The following GJB1 variants were observed in gnomAD, a reference collection of about 807,000 sequenced individuals.
The protein encoded by GJB1 is gap junction beta-1 protein.
Under a neutral mutation model 12.0 loss-of-function variants are expected in GJB1, and 1 was observed. That is an observed-to-expected ratio of 0.08 (90% CI 0.03 to 0.40). The LOEUF is 0.40. GJB1 is among the 10% of genes least tolerant of loss of function. GJB1 has a pLI of 0.98. For synonymous variants in GJB1, 114 were observed against 102.8 expected (o/e 1.11, Z -0.66); for missense variants, 140 against 250.3 (o/e 0.56, Z 2.97).
At chrX:71,223,465 T>C in intron 1 of GJB1, 130 bp downstream of exon 1, 1 of 444,982 alleles carries the variant, frequency 2.2e-6, no homozygotes, top group Non-Finnish European at 3.9e-6. Flanking sequence ...AAAAGAATGT[T>C]GGATGAAAGC....
At chrX:71,215,820 T>G (rs1308555184) in intron 1 of GJB1, among the ~76,000 whole-genome samples, 1 of 110,796 alleles carries the variant, frequency 9.0e-6, no homozygotes, top group Non-Finnish European at 1.9e-5. Flanking sequence ...TCCACTTTCT[T>G]GAAGGAGGCA....
At chrX:71,220,780 C>T (rs997131470), upstream of GJB1, among the ~76,000 whole-genome samples, 2 of 108,558 alleles carry the variant, frequency 1.8e-5, no homozygotes, top group African/African-American at 3.4e-5. Context: ...GGATTGCAGG[C>T]GTGAGCCCCT....
At chrX:71,219,647 G>A (rs1475771671), upstream of GJB1, among the ~76,000 whole-genome samples, 4 of 101,380 alleles carry the variant, frequency 3.9e-5, no homozygotes, top group Admixed American at 1.1e-4. Flanking sequence ...GGTGGCGGGC[G>A]CCTGTAGTCC....
rs1444755256 is a variant in GJB1 at position 71,224,538 on chromosome X, C to T, written c.831C>T (p.Ser277=). 3 of 1,189,358 alleles carry T rather than the reference C, an allele frequency of 2.5e-6. No individual in the cohort carries two copies. Among genetic ancestry groups the T allele is most frequent in the Non-Finnish European group, 3.4e-6 (3 of 884,047 alleles). The change falls in exon 2 of 2, where the codon AGC becomes AGT. Residue 277 remains serine, a synonymous_variant. Transcript: ENST00000361726. ...CCGGGGCTGGGCTGGCTGAAAAGAGCGACCGCTGCTCGGCCTGCTGATGCC... is the reference window on the plus strand; with the variant it reads ...CCGGGGCTGGGCTGGCTGAAAAGAGTGACCGCTGCTCGGCCTGCTGATGCC... ...PGTGAGLAEK[S]DRCSAC
At chrX:71,222,936 C>T (rs1444360946), upstream of GJB1, among the ~76,000 whole-genome samples, 1 of 111,071 alleles carries the variant, frequency 9.0e-6, no homozygotes, top group African/African-American at 3.3e-5. Flanking sequence ...TCTGGGTCCC[C>T]TGGGGTCCCC....
At chrX:71,222,538 C>G (rs2092539591), upstream of GJB1, 1 of 73,893 alleles carries the variant, frequency 1.4e-5, no homozygotes, top group African/African-American at 5.2e-5. Flanking sequence ...CGGCGCCCAG[C>G]CTTTTTTTTT....
Position 71,224,684 on chromosome X carries a change from G to T in GJB1, c.*125G>T, listed in dbSNP as rs964774958. 3.1e-6 allele frequency: 2 copies of T among 651,143 alleles called. No homozygotes were observed. Among genetic ancestry groups the T allele is most frequent in the African/African-American group, 4.5e-5 (2 of 44,905 alleles). The allele number at this position is 651,143 out of a possible 1,213,427, so 53.7% of individuals were successfully genotyped here. A position where few individuals can be genotyped will look rare whatever the true frequency, so the allele number is the denominator to read the frequency against. Reference sequence around the variant, plus strand: ...TACTCGATCAAAACCTTCCTTCCCTGGCTACTTCCCTTCCTCCCGGGGCCT... The same window carrying T: ...TACTCGATCAAAACCTTCCTTCCCTTGCTACTTCCCTTCCTCCCGGGGCCT... On this transcript the variant is annotated 3_prime_UTR_variant, in exon 2 of 2. Coordinates refer to ENST00000361726, the MANE Select transcript of GJB1 (RefSeq NM_000166.6).
chrX:71,219,946 G>A (rs1241990501), upstream of GJB1, among the ~76,000 whole-genome samples: 1 of 101,246 alleles, frequency 9.9e-6, no homozygotes, highest in Non-Finnish European at 2.0e-5. Flanking sequence ...GGGTTCAAGC[G>A]ATTCTCCTGC....
rs113014279 is a variant in GJB1 at position 71,224,593 on chromosome X, C to A, written c.*34C>A. 4.5e-3 allele frequency: 4,548 copies of A among 1,016,607 alleles called. 127 individuals are homozygous for A. In the African/African-American group the frequency reaches 0.073, roughly 16 times the overall value. 83.8% of individuals were successfully genotyped at this position (1,016,607 alleles called of 1,213,427 possible). Reference sequence around the variant, plus strand: ...ACCAGGCAACCTCCCATCCCACCCCCGACCCTGCCCTGGGCGAGCCCCTCC... The same window carrying A: ...ACCAGGCAACCTCCCATCCCACCCCAGACCCTGCCCTGGGCGAGCCCCTCC... On this transcript the variant is annotated 3_prime_UTR_variant, in exon 2 of 2. Coordinates refer to ENST00000361726, the MANE Select transcript of GJB1 (RefSeq NM_000166.6).
In GJB1 at chrX:71,223,845, T is replaced by C. The variant is rs1419095893; in HGVS notation, c.138T>C (p.Asp46=). 1 of 1,210,412 alleles carries C rather than the reference T, an allele frequency of 8.3e-7. No individual in the cohort carries two copies. Residue 46 remains aspartate, a synonymous_variant, in exon 2 of 2, where the codon GAT becomes GAC. Transcript: ENST00000361726. ...LVVAAESVWG[D]EKSSFICNTL... ...TGGCTGCAGAGAGTGTGTGGGGTGA[T>C]GAGAAATCTTCCTTCATCTGCAACA...
chrX:71,221,508 C>T (rs1214577100), upstream of GJB1, among the ~76,000 whole-genome samples: 2 of 110,493 alleles, frequency 1.8e-5, no homozygotes, highest in African/African-American at 6.6e-5. Context: ...GAGGACCACC[C>T]AGGGCTGAAT....
At chrX:71,220,917 A>G (rs1468577226), upstream of GJB1, among the ~76,000 whole-genome samples, 1 of 32,180 alleles carries the variant, frequency 3.1e-5, no homozygotes, top group East Asian at 1.1e-3. Context: ...TTTTTTTTTG[A>G]GACAGAGTCT....
At position 71,223,929 on chromosome X, in the gene GJB1, G is replaced by A. The variant is rs773733066; in HGVS notation, c.222G>A (p.Val74=). The A allele has an allele frequency of 8.3e-7, 1 of 1,206,581 alleles. No homozygotes were observed. Among genetic ancestry groups the A allele is most frequent in the Non-Finnish European group, 1.1e-6 (1 of 892,846 alleles). The part of the protein sequence containing the change: ...CYDQFFPISH[V]RLWSLQLILV... ...ACCAATTCTTCCCCATCTCCCATGT[G>A]CGGCTGTGGTCCCTGCAGCTCATCC... Residue 74 remains valine, a synonymous_variant, in exon 2 of 2, where the codon GTG becomes GTA. Coordinates refer to ENST00000361726, the MANE Select transcript of GJB1 (RefSeq NM_000166.6).
At chrX:71,216,640 T>C (rs1056036080) in intron 1 of GJB1, among the ~76,000 whole-genome samples, 1 of 109,619 alleles carries the variant, frequency 9.1e-6, no homozygotes, top group Admixed American at 9.9e-5. Context: ...GGAAGGGAGC[T>C]GGCATAAGCA....
At position 71,225,114 on chromosome X, in the gene GJB1, G is replaced by C. The variant is rs1428194429; in HGVS notation, c.*555G>C. The C allele has an allele frequency of 7.6e-6, 1 of 132,166 alleles. No homozygotes were observed. Among genetic ancestry groups the C allele is most frequent in the African/African-American group, 3.2e-5 (1 of 30,798 alleles). 10.9% of individuals were successfully genotyped at this position (132,166 alleles called of 1,213,427 possible). A position where few individuals can be genotyped will look rare whatever the true frequency, so the allele number is the denominator to read the frequency against. On this transcript the variant is annotated 3_prime_UTR_variant, in exon 2 of 2. Transcript: ENST00000361726. ...AAGCAGGCAGATAAGTTGGAGCAGG[G>C]GTTGGTCAAGGCCACCTCTGCCTCT...
At chrX:71,217,651 T>A (rs1311333023) in intron 1 of GJB1, 1 of 111,577 alleles carries the variant, frequency 9.0e-6, no homozygotes, top group Admixed American at 9.6e-5. Context: ...GATATTGACA[T>A]AGGGATCAGT....
upstream of GJB1, among the ~76,000 whole-genome samples, chrX:71,220,890 CTT>C (rs869189116): frequency 1.4e-4 from 5 of 34,504 alleles, no homozygotes; most frequent in Middle Eastern, 0.032. Flanking sequence ...TGTTTCTTTC[CTT>C]TTTTTTTTTT....
chrX:71,218,385 CTTTTTT>C, upstream of GJB1, among the ~76,000 whole-genome samples: 1 of 87,101 alleles, frequency 1.1e-5, no homozygotes, highest in South Asian at 6.0e-4. Context: ...CTCCCTGTTC[CTTTTTT>C]TTTTTTTTTT....
At chrX:71,221,077 A>T (rs2092537023), upstream of GJB1, among the ~76,000 whole-genome samples, 2 of 107,502 alleles carry the variant, frequency 1.9e-5, no homozygotes, top group African/African-American at 6.8e-5. Context: ...TTGTAATTTT[A>T]GTAGAGACGA....
Sources: gnomAD v4.1 joint callset for allele counts (sites outside exome capture counted in the v4.1 genomes callset) on GRCh38, gnomAD v4.1.1 for gene constraint, MANE v1.5 for transcripts, NCBI Gene and HGNC (gene_info 2026-07-23, HGNC 2026-07-21) for gene names.